Variants in LRRC8D observed in about 807,000 individuals in gnomAD.
LRRC8D encodes leucine rich repeat containing 8 VRAC subunit D, also known as volume-regulated anion channel subunit LRRC8D.
A neutral mutation model predicts 55.8 loss-of-function variants in LRRC8D; 20 were observed. The ratio of observed to expected loss-of-function variants is 0.36; its 90% CI spans 0.25 to 0.52. The LOEUF (loss-of-function observed/expected upper bound fraction) is 0.52, where lower values mean the gene tolerates loss of function less well. LRRC8D is among the 20% of genes least tolerant of loss of function. The pLI, the probability that LRRC8D is intolerant of heterozygous loss-of-function variation, is 0.93. For synonymous variants in LRRC8D, 352 were observed against 377.0 expected, an observed-to-expected ratio of 0.93 and a Z score of 0.77; for missense variants, 651 against 1,030.8, an observed-to-expected ratio of 0.63 and a Z score of 5.05.
At chr1:89,824,157 C>T (rs1489626616) in intron 1 of LRRC8D, among the ~76,000 whole-genome samples, 1 of 152,150 alleles carries the variant, frequency 6.6e-6, no homozygotes, top group Non-Finnish European at 1.5e-5. Context: ...AGGACATCAA[C>T]CCCCTTCCTC....
chr1:89,842,873 G>A (rs1570811344), intron 1 of LRRC8D, among the ~76,000 whole-genome samples: 1 of 152,204 alleles, frequency 6.6e-6, no homozygotes, highest in East Asian at 1.9e-4. Context: ...TGCACCATGC[G>A]ATTATGCTCC....
chr1:89,840,138 A>G (rs903347826), intron 1 of LRRC8D, among the ~76,000 whole-genome samples: 5 of 152,158 alleles, frequency 3.3e-5, no homozygotes, highest in African/African-American at 1.2e-4. Flanking sequence ...TTTGTGGCAT[A>G]ATTTGTGCCT....
At chr1:89,823,892 G>A (rs1557437376) in intron 1 of LRRC8D, among the ~76,000 whole-genome samples, 1 of 152,214 alleles carries the variant, frequency 6.6e-6, no homozygotes, top group African/African-American at 2.4e-5. Flanking sequence ...TTTGACAGTG[G>A]TCAGGGATGT....
chr1:89,875,380 T>C (rs1290903001), intron 2 of LRRC8D, among the ~76,000 whole-genome samples: 1 of 152,238 alleles, frequency 6.6e-6, no homozygotes, highest in Non-Finnish European at 1.5e-5. Flanking sequence ...TTTGATCATT[T>C]GCTGAATGCC....
chr1:89,826,680 A>G (rs1167154786), intron 1 of LRRC8D, among the ~76,000 whole-genome samples: 1 of 152,220 alleles, frequency 6.6e-6, no homozygotes, highest in Non-Finnish European at 1.5e-5. Flanking sequence ...AAGGCTAAGG[A>G]TCAGGATTTC....
chr1:89,860,785 A>AAAAAAAAAAAATATAT (rs1553123917), intron 2 of LRRC8D, among the ~76,000 whole-genome samples: 2 of 28,196 alleles, frequency 7.1e-5, no homozygotes, highest in African/African-American at 1.0e-4. Flanking sequence ...AAAAAAAAAA[A>AAAAAAAAAAAATATAT]ATATATATAT....
intron 2 of LRRC8D, among the ~76,000 whole-genome samples, chr1:89,898,277 C>T (rs1002685582): frequency 2.6e-5 from 4 of 152,092 alleles, no homozygotes; most frequent in African/African-American, 7.2e-5. Flanking sequence ...AATGGAAAAC[C>T]GCAACCTGAT....
intron 2 of LRRC8D, among the ~76,000 whole-genome samples, chr1:89,860,619 G>A (rs996730987): frequency 2.7e-5 from 4 of 150,286 alleles, no homozygotes; most frequent in African/African-American, 4.9e-5. Flanking sequence ...TTAGCTGAGC[G>A]TGGTGGTGCG....
chr1:89,897,483 T>A (rs1662740800), intron 2 of LRRC8D, among the ~76,000 whole-genome samples: 1 of 152,204 alleles, frequency 6.6e-6, no homozygotes, highest in Non-Finnish European at 1.5e-5. Flanking sequence ...AATACTTACA[T>A]AGATTTGAGA....
At chr1:89,920,138 A>G (rs1196348446) in intron 2 of LRRC8D, among the ~76,000 whole-genome samples, 5 of 152,236 alleles carry the variant, frequency 3.3e-5, no homozygotes, top group Non-Finnish European at 1.5e-5. Context: ...ACAAATTCAC[A>G]GCAGTGTACT....
intron 2 of LRRC8D, among the ~76,000 whole-genome samples, chr1:89,891,125 C>T (rs1033871385): frequency 2.0e-5 from 3 of 152,194 alleles, no homozygotes; most frequent in Non-Finnish European, 2.9e-5. Flanking sequence ...TGTGATCCGC[C>T]CGCCTCAGCC....
At chr1:89,842,611 A>G (rs573668630) in intron 1 of LRRC8D, among the ~76,000 whole-genome samples, 1 of 152,158 alleles carries the variant, frequency 6.6e-6, no homozygotes, top group South Asian at 2.1e-4. Context: ...GTTTGTCAAG[A>G]GACAGTCCTG....
chr1:89,839,123 T>C (rs1390880636), intron 1 of LRRC8D, among the ~76,000 whole-genome samples: 1 of 152,202 alleles, frequency 6.6e-6, no homozygotes, highest in East Asian at 1.9e-4. Flanking sequence ...AGGGTGAGTT[T>C]TCGTTCCATT....
chr1:89,899,257 T>A (rs1662789173), intron 2 of LRRC8D, among the ~76,000 whole-genome samples: 1 of 152,216 alleles, frequency 6.6e-6, no homozygotes, highest in Non-Finnish European at 1.5e-5. Context: ...TTTCTTTGGC[T>A]GAGGAGAGGC....
intron 1 of LRRC8D, among the ~76,000 whole-genome samples, chr1:89,827,566 A>C (rs1660794501): frequency 1.3e-5 from 2 of 152,146 alleles, no homozygotes; most frequent in Non-Finnish European, 1.5e-5. Context: ...TCTTTGATAA[A>C]AATATTAAGA....
intron 1 of LRRC8D, among the ~76,000 whole-genome samples, chr1:89,823,693 G>A (rs1435522220): frequency 2.0e-5 from 3 of 152,210 alleles, no homozygotes; most frequent in Admixed American, 1.3e-4. Flanking sequence ...GAGAACTGGA[G>A]TGGGTGCTGT....
intron 2 of LRRC8D, among the ~76,000 whole-genome samples, chr1:89,910,943 C>T (rs1663119471): frequency 6.6e-6 from 1 of 152,140 alleles, no homozygotes; most frequent in Admixed American, 6.5e-5. Flanking sequence ...TCATCTTTGT[C>T]CCTGTATACC....
At position 89,843,894 on chromosome 1, in the gene LRRC8D, C is replaced by T. The variant is rs1661204585; in HGVS notation, c.-3+112C>T. On this transcript the variant is annotated intron_variant, in intron 2 of 2. Coordinates refer to ENST00000337338, the MANE Select transcript of LRRC8D (RefSeq NM_001134479.2). ...TCTGTGCTGCAGCTTCACTTGCCCG[C>T]CCCCCACCACTGGCTTCTCACCCGG... 2.9e-5 allele frequency: 15 copies of T among 513,038 alleles called. No homozygotes were observed. In the South Asian group the frequency reaches 3.4e-4, roughly 12 times the overall value. 31.8% of individuals were successfully genotyped at this position (513,038 alleles called of 1,614,324 possible).
chr1:89,864,500 A>G lies in LRRC8D; in HGVS notation c.-3+20718A>G, dbSNP rs987223453. Reference sequence around the variant, plus strand: ...TGCAATGAAGTGCCAAGCCCTCTCAATTCTATCTTAAATTTTATCTGGTAT... The same window carrying G: ...TGCAATGAAGTGCCAAGCCCTCTCAGTTCTATCTTAAATTTTATCTGGTAT... On this transcript the variant is annotated intron_variant, in intron 2 of 2. Coordinates refer to ENST00000337338, the MANE Select transcript of LRRC8D (RefSeq NM_001134479.2). Among the ~76,000 whole-genome samples, 26 of 151,904 alleles carry G rather than the reference A, an allele frequency of 1.7e-4. 1 individual carries two copies. Among genetic ancestry groups the G allele is most frequent in the African/African-American group, 6.0e-4 (25 of 41,342 alleles).
Sources: allele counts gnomAD v4.1 joint callset (sites outside exome capture counted in the v4.1 genomes callset), GRCh38; gene constraint gnomAD v4.1.1; transcripts MANE v1.5; gene names NCBI Gene and HGNC (gene_info 2026-07-23, HGNC 2026-07-21).